The following SIPA1L2 variants were observed in gnomAD, a reference collection of about 807,000 sequenced individuals.
SIPA1L2 encodes signal induced proliferation associated 1 like 2, also known as signal-induced proliferation-associated 1-like protein 2.
Under a neutral mutation model 163.9 loss-of-function variants are expected in SIPA1L2, and 56 were observed. The ratio of observed to expected loss-of-function variants is 0.34; its 90% CI spans 0.28 to 0.43. SIPA1L2 has a LOEUF of 0.43. Ranked by LOEUF, SIPA1L2 falls within the 20% of genes least tolerant of loss-of-function variation. The probability of loss-of-function intolerance (pLI) is 1.00; values close to 1 mark genes in which losing one functional copy is unlikely to be tolerated. For missense variants in SIPA1L2, 1,974 were observed against 2,193.5 expected (o/e 0.90, Z 2.00); for synonymous variants, 877 against 865.7 (o/e 1.01, Z -0.23).
Position 232,513,924 on chromosome 1 carries a change from C to T in SIPA1L2, c.1416G>A (p.Val472=). 1.2e-6 allele frequency: 2 copies of T among 1,613,718 alleles called. No homozygotes were observed. Among genetic ancestry groups the T allele is most frequent in the Non-Finnish European group, 1.7e-6 (2 of 1,179,848 alleles). ...RENQPIHREK[V]KRYIIEHIDL... The stretch of plus-strand genomic sequence containing the variant: ...CAATGTGTTCTATGATGTAGCGCTT[C>T]ACTTTCTCCCTGTGAATAGGCTGGT... Residue 472 remains valine (V), a synonymous_variant, in exon 3 of 23, where the codon GTG becomes GTA. Coordinates refer to ENST00000674635, the MANE Select transcript of SIPA1L2 (RefSeq NM_020808.5).
intron 9 of SIPA1L2, 100 bp from the exon 10 acceptor site, chr1:232,461,261 T>C: frequency 6.8e-7 from 1 of 1,462,402 alleles, no homozygotes. Flanking sequence ...GCCCTCTCCC[T>C]TGGGCCCTCG....
At chr1:232,615,528 A>C (rs1662457691) in intron 1 of SIPA1L2, among the ~76,000 whole-genome samples, 1 of 152,160 alleles carries the variant, frequency 6.6e-6, no homozygotes, top group Admixed American at 6.5e-5. Flanking sequence ...GTCATTCGAA[A>C]GGTTTTTGCT....
chr1:232,402,233 G>C (rs1172178695), intron 22 of SIPA1L2, among the ~76,000 whole-genome samples, 159 bp downstream of exon 22: 2 of 152,224 alleles, frequency 1.3e-5, no homozygotes, highest in African/African-American at 4.8e-5. Flanking sequence ...CTGCAGGTCA[G>C]CAGATGGAGT....
At chr1:232,557,086 C>G (rs1161796168) in intron 2 of SIPA1L2, among the ~76,000 whole-genome samples, 5 of 152,164 alleles carry the variant, frequency 3.3e-5, no homozygotes, top group Non-Finnish European at 7.3e-5. Context: ...CAATAAAATA[C>G]TGATAGGAGG....
intron 3 of SIPA1L2, among the ~76,000 whole-genome samples, chr1:232,500,685 T>G (rs1666422208): frequency 6.6e-6 from 1 of 152,340 alleles, no homozygotes; most frequent in East Asian, 1.9e-4. Context: ...GTGGTTTCTT[T>G]TGATGGAATC....
At chr1:232,453,896 A>G (rs186371009) in intron 10 of SIPA1L2, among the ~76,000 whole-genome samples, 4 of 152,320 alleles carry the variant, frequency 2.6e-5, no homozygotes, top group Admixed American at 2.6e-4. Context: ...TGCATTTTGT[A>G]AAAGAATCAT....
intron 1 of SIPA1L2, among the ~76,000 whole-genome samples, chr1:232,606,447 C>T (rs932306135): frequency 6.6e-6 from 1 of 151,926 alleles, no homozygotes; most frequent in African/African-American, 2.4e-5. Flanking sequence ...AGAAATAAGC[C>T]GAGAGCTTTA....
At chr1:232,451,552 C>T (rs1387597229) in intron 10 of SIPA1L2, among the ~76,000 whole-genome samples, 2 of 152,178 alleles carry the variant, frequency 1.3e-5, no homozygotes, top group African/African-American at 4.8e-5. Context: ...CTGCTCAACC[C>T]GTGTGTAACT....
chr1:232,441,777 T>C lies in SIPA1L2; in HGVS notation c.3529A>G (p.Arg1177Gly). The C allele has an allele frequency of 6.2e-7, 1 of 1,613,886 alleles. No homozygotes were observed. Among genetic ancestry groups the C allele is most frequent in the Non-Finnish European group, 8.5e-7 (1 of 1,179,928 alleles). The change falls in exon 13 of 23, where the codon AGG becomes GGG. Residue 1177 changes from arginine (R) to glycine (G), a missense_variant. Arg to Gly is a moderately radical substitution (Grantham distance 125, BLOSUM62 -2). Around this residue, in one of 3 missense-constraint regions of SIPA1L2, gnomAD observed 1,079 missense variants for 1,150.7 expected, o/e 0.94. Coordinates refer to ENST00000674635, the MANE Select transcript of SIPA1L2 (RefSeq NM_020808.5). Reference sequence around the variant, plus strand: ...AGGAGTTCCTTATTACCCGGGTGCCTGCTTGCTTCCATGGTGTCTTCCCTC... The same window carrying C: ...AGGAGTTCCTTATTACCCGGGTGCCCGCTTGCTTCCATGGTGTCTTCCCTC... ...REREDTMEAS[R>G]HPETKWHGPP...
At chr1:232,544,200 A>G (rs1411232987) in intron 2 of SIPA1L2, among the ~76,000 whole-genome samples, 2 of 152,048 alleles carry the variant, frequency 1.3e-5, no homozygotes, top group African/African-American at 4.8e-5. Context: ...CTACTCCCAC[A>G]TTCTGAGACG....
chr1:232,562,770 C>T (rs1659118029), intron 2 of SIPA1L2, among the ~76,000 whole-genome samples: 1 of 152,190 alleles, frequency 6.6e-6, no homozygotes, highest in Admixed American at 6.5e-5. Context: ...AAATAAAACG[C>T]ATCATCAGAC....
intron 1 of SIPA1L2, among the ~76,000 whole-genome samples, chr1:232,610,124 T>A (rs1017287433): frequency 6.6e-6 from 1 of 152,206 alleles, no homozygotes; most frequent in African/African-American, 2.4e-5. Flanking sequence ...TTTAAAGAAA[T>A]GGAAGTTTAC....
intron 1 of SIPA1L2, among the ~76,000 whole-genome samples, chr1:232,577,588 C>T (rs938465122): frequency 1.3e-5 from 2 of 152,074 alleles, no homozygotes; most frequent in African/African-American, 4.8e-5. Flanking sequence ...CCATCAAGAA[C>T]ATTCACGATT....
At chr1:232,617,837 A>AC (rs1364753304) in intron 1 of SIPA1L2, among the ~76,000 whole-genome samples, 1 of 152,228 alleles carries the variant, frequency 6.6e-6, no homozygotes, top group Non-Finnish European at 1.5e-5. Flanking sequence ...TTCACTCTAT[A>AC]CCTTTTACTT....
At chr1:232,554,495 A>C (rs1302770826) in intron 2 of SIPA1L2, among the ~76,000 whole-genome samples, 1 of 152,252 alleles carries the variant, frequency 6.6e-6, no homozygotes, top group African/African-American at 2.4e-5. Context: ...GTCTTTCCAC[A>C]ATGCTACCCT....
At chr1:232,613,923 C>T (rs751472918) in intron 1 of SIPA1L2, among the ~76,000 whole-genome samples, 1 of 152,134 alleles carries the variant, frequency 6.6e-6, no homozygotes, top group Non-Finnish European at 1.5e-5. Flanking sequence ...GTCTTTATTC[C>T]GAGTCCAACA....
intron 10 of SIPA1L2, among the ~76,000 whole-genome samples, chr1:232,457,476 T>G (rs959324066): frequency 3.3e-5 from 5 of 152,142 alleles, no homozygotes; most frequent in Non-Finnish European, 7.4e-5. Flanking sequence ...TATACACACA[T>G]ACACACAGAA....
At position 232,615,918 on chromosome 1, in the gene SIPA1L2, A is replaced by G. The variant is rs548592228; in HGVS notation, c.-319+13951T>C. ...GAACTGTGTCTGGTAAAAAAAGAAC[A>G]TGTAATAAATAGCTGACGAATGAAT... On this transcript the variant is annotated intron_variant, in intron 1 of 22. Transcript: ENST00000674635. Among the ~76,000 whole-genome samples, 3 of 152,352 alleles carry G rather than the reference A, an allele frequency of 2.0e-5. No homozygotes were observed. The East Asian group carries it at 5.8e-4, about 29-fold the overall frequency.
chr1:232,444,467 G>C (rs1663087310), intron 11 of SIPA1L2, among the ~76,000 whole-genome samples: 1 of 152,118 alleles, frequency 6.6e-6, no homozygotes, highest in Non-Finnish European at 1.5e-5. Context: ...TTTGAGTTGG[G>C]AGACCCAGAG....
Sources: gnomAD v4.1 joint callset for allele counts (sites outside exome capture counted in the v4.1 genomes callset) on GRCh38, gnomAD v4.1.1 for gene constraint, gnomAD v4.1.1 regional missense constraint, MANE v1.5 for transcripts, NCBI Gene and HGNC (gene_info 2026-07-23, HGNC 2026-07-21) for gene names.